Variants in NEGR1 observed in about 807,000 individuals in gnomAD.
The protein encoded by NEGR1 is IgLON family member 4.
Under a neutral mutation model 40.9 loss-of-function variants are expected in NEGR1, and 10 were observed. That is an observed-to-expected ratio of 0.24 (90% CI 0.15 to 0.42). The LOEUF (loss-of-function observed/expected upper bound fraction) is 0.42. NEGR1 is among the 10% of genes least tolerant of loss of function. The pLI is 1.00. For synonymous variants in NEGR1, 185 were observed against 166.8 expected (o/e 1.11, Z -0.84); for missense variants, 352 against 438.9 (o/e 0.80, Z 1.77).
intron 6 of NEGR1, among the ~76,000 whole-genome samples, chr1:71,536,933 A>G (rs1647531732): frequency 6.6e-6 from 1 of 151,756 alleles, no homozygotes; most frequent in Non-Finnish European, 1.5e-5. Flanking sequence ...CTGAGAAAAT[A>G]CATTGTAGGT....
At chr1:71,973,320 G>GAA (rs35734264) in intron 1 of NEGR1, among the ~76,000 whole-genome samples, 3 of 101,662 alleles carry the variant, frequency 3.0e-5, no homozygotes, top group Non-Finnish European at 4.5e-5. Context: ...CAACTCAAAA[G>GAA]AAAAAAAAAA....
chr1:72,202,126 T>A lies in NEGR1; in HGVS notation c.176+80193A>T, dbSNP rs575033140. 3.3e-5 allele frequency among the ~76,000 whole-genome samples: 5 copies of A among 152,066 alleles called. No individual in the cohort carries two copies. In the South Asian group the frequency reaches 1.0e-3, roughly 32 times the overall value. ...ATTATCATTATATCTGTTACAGTAA[T>A]CTGTAATTAGTGATATTTTATGTTA... On this transcript the variant is annotated intron_variant, in intron 1 of 6. Transcript: ENST00000357731.
chr1:71,744,727 A>T (rs984984781), intron 3 of NEGR1, among the ~76,000 whole-genome samples: 2 of 152,192 alleles, frequency 1.3e-5, no homozygotes, highest in Non-Finnish European at 2.9e-5. Context: ...GGTTTTCACA[A>T]GTTCAATCTT....
Position 71,729,659 on chromosome 1 carries a change from CAG to C in NEGR1, c.536-31522_536-31521del, listed in dbSNP as rs571141547. ...TGTTGTTGTTTTTGTTGTTTTTAGA[CAG>C]AGTGTTGCTATTGCCCAGGCTGGAG... On this transcript the variant is annotated intron_variant, in intron 3 of 6. Transcript: ENST00000357731. Among the ~76,000 whole-genome samples, 3 of 151,940 alleles carry C rather than the reference CAG, an allele frequency of 2.0e-5. No individual in the cohort carries two copies. In the South Asian group the frequency reaches 6.2e-4, roughly 32 times the overall value.
intron 1 of NEGR1, among the ~76,000 whole-genome samples, chr1:72,001,575 A>C (rs1646557667): frequency 6.6e-6 from 1 of 151,006 alleles, no homozygotes; most frequent in African/African-American, 2.4e-5. Context: ...AAATATTAAA[A>C]TAGAAGCATT....
intron 4 of NEGR1, among the ~76,000 whole-genome samples, chr1:71,617,086 A>G (rs1650469713): frequency 6.6e-6 from 1 of 152,232 alleles, no homozygotes; most frequent in Non-Finnish European, 1.5e-5. Flanking sequence ...AACACAAAGA[A>G]CAGAAGCAAT....
At chr1:72,204,506 GA>G (rs751435679) in intron 1 of NEGR1, among the ~76,000 whole-genome samples, 1 of 152,150 alleles carries the variant, frequency 6.6e-6, no homozygotes, top group Non-Finnish European at 1.5e-5. Context: ...AGTGATGTTT[GA>G]AAAGTCAAGA....
At chr1:72,000,886 T>C (rs1646551449) in intron 1 of NEGR1, among the ~76,000 whole-genome samples, 2 of 152,096 alleles carry the variant, frequency 1.3e-5, no homozygotes, top group Non-Finnish European at 2.9e-5. Flanking sequence ...GATGAGTTCT[T>C]TCAAACAAAA....
chr1:71,904,548 A>G (rs542830111), intron 2 of NEGR1, among the ~76,000 whole-genome samples: 30 of 152,116 alleles, frequency 2.0e-4, no homozygotes, highest in Non-Finnish European at 4.1e-4. Flanking sequence ...TCTATTTGTC[A>G]TCCAATATAG....
At chr1:71,710,111 A>G (rs747071536) in intron 3 of NEGR1, among the ~76,000 whole-genome samples, 19 of 152,232 alleles carry the variant, frequency 1.2e-4, no homozygotes, top group Non-Finnish European at 2.5e-4. Flanking sequence ...AAGAAGACAT[A>G]CAAATAGCAA....
At chr1:71,825,104 A>T (rs2101782363) in intron 2 of NEGR1, among the ~76,000 whole-genome samples, 1 of 152,034 alleles carries the variant, frequency 6.6e-6, no homozygotes, top group African/African-American at 2.4e-5. Flanking sequence ...CACCATTTTA[A>T]ATACTCACCA....
intron 1 of NEGR1, among the ~76,000 whole-genome samples, chr1:72,236,308 C>G (rs1209251): frequency 0.44 from 67,224 of 151,660 alleles, 15,290 homozygotes; most frequent in Non-Finnish European, 0.48. Flanking sequence ...AGGAGGGATA[C>G]CTTTAGGAGA....
chr1:72,253,117 C>T (rs1014776429), intron 1 of NEGR1, among the ~76,000 whole-genome samples: 1 of 152,158 alleles, frequency 6.6e-6, no homozygotes, highest in Non-Finnish European at 1.5e-5. Context: ...TATTTGATAA[C>T]ATGGCTTCAG....
At chr1:72,047,970 G>C (rs1486030776) in intron 1 of NEGR1, among the ~76,000 whole-genome samples, 2 of 151,502 alleles carry the variant, frequency 1.3e-5, no homozygotes, top group African/African-American at 4.8e-5. Context: ...GGCAGACAAG[G>C]CCTTCCAGAA....
At chr1:71,493,580 C>A (rs1298518369) in intron 6 of NEGR1, among the ~76,000 whole-genome samples, 2 of 152,090 alleles carry the variant, frequency 1.3e-5, no homozygotes, top group Non-Finnish European at 2.9e-5. Context: ...TATACTGTTT[C>A]CATAATTGAA....
At chr1:72,109,360 T>G (rs1180109745) in intron 1 of NEGR1, among the ~76,000 whole-genome samples, 1 of 151,664 alleles carries the variant, frequency 6.6e-6, no homozygotes, top group Non-Finnish European at 1.5e-5. Context: ...GAGTCATAAA[T>G]AAAAACTACT....
Position 71,455,769 on chromosome 1 carries a change from T to G in NEGR1, c.941-48199A>C, listed in dbSNP as rs573112252. ...TCAGGCTGTTACTTTTATCTGCACT[T>G]TATTACATTTTTATGTCTCCAAGTT... On this transcript the variant is annotated intron_variant, in intron 6 of 6. Coordinates refer to ENST00000357731, the MANE Select transcript of NEGR1 (RefSeq NM_173808.3). Among the ~76,000 whole-genome samples the G allele has an allele frequency of 8.0e-4, 121 of 152,174 alleles. 1 individual carries two copies. The highest frequency in any genetic ancestry group is 9.8e-4 in the Non-Finnish European group (67 of 68,026).
At chr1:72,019,566 C>A (rs1377400021) in intron 1 of NEGR1, among the ~76,000 whole-genome samples, 1 of 152,160 alleles carries the variant, frequency 6.6e-6, no homozygotes, top group African/African-American at 2.4e-5. Flanking sequence ...TTGATCAGAT[C>A]AATGAATTGA....
chr1:71,506,818 C>CA (rs1009863257), intron 6 of NEGR1, among the ~76,000 whole-genome samples: 9 of 151,560 alleles, frequency 5.9e-5, no homozygotes, highest in Middle Eastern at 3.4e-3. Flanking sequence ...AAAACAAAAA[C>CA]AAAAAAAACC....
Sources: gnomAD v4.1 joint callset for allele counts (sites outside exome capture counted in the v4.1 genomes callset) on GRCh38, gnomAD v4.1.1 for gene constraint, MANE v1.5 for transcripts, NCBI Gene and HGNC (gene_info 2026-07-23, HGNC 2026-07-21) for gene names.